VSIG1: variants seen among roughly 807,000 people sequenced by gnomAD.
The protein encoded by VSIG1 is V-set and immunoglobulin domain containing 1, also known as V-set and immunoglobulin domain-containing protein 1.
In VSIG1, 11 loss-of-function variants were observed where a neutral mutation model predicts 20.1. The observed-to-expected ratio is 0.55, with a 90% CI of 0.34 to 0.91. The LOEUF (loss-of-function observed/expected upper bound fraction) is 0.91. Among genes scored for constraint, VSIG1 ranks in the 40% least tolerant of loss-of-function variants. The probability of loss-of-function intolerance (pLI) is 0.02; values close to 1 mark genes in which losing one functional copy is unlikely to be tolerated. For missense variants in VSIG1, 283 were observed against 298.8 expected, an observed-to-expected ratio of 0.95 and a Z score of 0.39; for synonymous variants, 126 against 116.7, an observed-to-expected ratio of 1.08 and a Z score of -0.52.
Position 108,068,008 on chromosome X carries a change from G to A in VSIG1, c.412+874G>A, listed in dbSNP as rs144700996. ...AGTCATTGCTGCTCTCAAGCTGTGT[G>A]CACACATCACAAGAAAGGAGGAACT... On this transcript the variant is annotated intron_variant, in intron 3 of 6. Transcript: ENST00000217957. Among the ~76,000 whole-genome samples, 1,055 of 112,371 alleles carry A rather than the reference G, an allele frequency of 9.4e-3. 5 individuals carry two copies. The highest frequency in any genetic ancestry group is 0.012 in the Non-Finnish European group (660 of 53,238).
intron 5 of VSIG1, among the ~76,000 whole-genome samples, chrX:108,074,288 A>G (rs1328606956): frequency 1.8e-5 from 2 of 111,889 alleles, no homozygotes; most frequent in African/African-American, 6.5e-5. Context: ...ACTTTCAGCT[A>G]TATTTCCTGC....
chrX:108,059,965 G>C (rs931378431), intron 2 of VSIG1, among the ~76,000 whole-genome samples: 4 of 111,553 alleles, frequency 3.6e-5, no homozygotes, highest in African/African-American at 9.8e-5. Flanking sequence ...TCTGACACTG[G>C]GATTTACAAG....
At chrX:108,066,008 G>A (rs2031117894) in intron 2 of VSIG1, among the ~76,000 whole-genome samples, 1 of 111,570 alleles carries the variant, frequency 9.0e-6, no homozygotes, top group Non-Finnish European at 1.9e-5. Context: ...GGGCAGAGCT[G>A]TGACTAACTC....
intron 2 of VSIG1, among the ~76,000 whole-genome samples, chrX:108,062,708 C>A (rs1299877427): frequency 9.0e-6 from 1 of 111,617 alleles, no homozygotes; most frequent in South Asian, 3.8e-4. Flanking sequence ...CCCTGCACCA[C>A]AATACAGTCC....
the VSIG1 span, among the ~76,000 whole-genome samples, chrX:108,031,236 T>C: frequency 8.9e-6 from 1 of 112,108 alleles, no homozygotes; most frequent in African/African-American, 3.2e-5. Context: ...CCTTGAGAGA[T>C]AGGGCAGGAT....
At chrX:108,021,275 C>T in the VSIG1 span, among the ~76,000 whole-genome samples, 1 of 111,527 alleles carries the variant, frequency 9.0e-6, no homozygotes, top group East Asian at 2.8e-4. Context: ...GTCTTATCCT[C>T]ATATTTGAGT....
the VSIG1 span, among the ~76,000 whole-genome samples, chrX:108,033,292 C>A: frequency 1.8e-5 from 2 of 112,264 alleles, no homozygotes; most frequent in Admixed American, 1.9e-4. Flanking sequence ...CGGTGAGATC[C>A]AGGGCAGGTT....
chrX:108,076,245 T>G, intron 6 of VSIG1, 27 bp downstream of exon 6: 3 of 1,194,773 alleles, frequency 2.5e-6, no homozygotes, highest in Non-Finnish European at 3.4e-6. Flanking sequence ...TTGTCTTTAC[T>G]TGAATACAAA....
chrX:108,061,804 C>T (rs747884420), intron 2 of VSIG1, among the ~76,000 whole-genome samples: 6 of 110,170 alleles, frequency 5.4e-5, no homozygotes, highest in Non-Finnish European at 1.1e-4. Flanking sequence ...CTTCCCTTTC[C>T]TGAAATCATT....
intron 2 of VSIG1, among the ~76,000 whole-genome samples, chrX:108,063,392 G>A (rs1465581475): frequency 1.8e-5 from 2 of 111,483 alleles, no homozygotes; most frequent in Non-Finnish European, 3.8e-5. Context: ...CTCTATTGAG[G>A]CCTCGGTGTC....
chrX:108,064,834 C>A, intron 2 of VSIG1: 1 of 620,872 alleles, frequency 1.6e-6, no homozygotes, highest in African/African-American at 2.4e-5. Flanking sequence ...AGTAAATAAG[C>A]CCCATGCTGC....
chrX:108,064,952 G>A (rs2031098821), intron 2 of VSIG1, among the ~76,000 whole-genome samples: 1 of 111,945 alleles, frequency 8.9e-6, no homozygotes, highest in Non-Finnish European at 1.9e-5. Flanking sequence ...GTTAATCCTG[G>A]CTTTCTGGTT....
chrX:108,042,663 A>G (rs2030497758), upstream of VSIG1, among the ~76,000 whole-genome samples: 1 of 111,482 alleles, frequency 9.0e-6, no homozygotes, highest in African/African-American at 3.3e-5. Flanking sequence ...GGTGGGGGGC[A>G]TTGTGAAAAC....
intron 1 of VSIG1, 149 bp from the exon 2 acceptor site, chrX:108,057,889 A>G: frequency 2.0e-6 from 1 of 508,758 alleles, no homozygotes; most frequent in Non-Finnish European, 3.0e-6. Context: ...GAGCCCCAAG[A>G]AAACTCAACT....
chrX:108,059,638 C>T (rs181275306), intron 2 of VSIG1, among the ~76,000 whole-genome samples: 1 of 112,273 alleles, frequency 8.9e-6, no homozygotes, highest in Non-Finnish European at 1.9e-5. Context: ...TTCCATCACC[C>T]AAGATGTCCA....
upstream of VSIG1, chrX:108,045,052 G>A (rs934838975): frequency 3.3e-6 from 3 of 908,903 alleles, no homozygotes; most frequent in African/African-American, 2.0e-5. Context: ...ACCTCGGTGT[G>A]ATCGAAGAAG....
intron 1 of VSIG1, among the ~76,000 whole-genome samples, chrX:108,047,764 T>TTC (rs1178957774): frequency 0.12 from 7,028 of 61,097 alleles, 576 homozygotes; most frequent in Non-Finnish European, 0.13. Flanking sequence ...ATACAAGACA[T>TTC]TCTCTCTCTC....
chrX:108,055,343 G>T (rs2030873084), intron 1 of VSIG1, among the ~76,000 whole-genome samples: 1 of 111,296 alleles, frequency 9.0e-6, no homozygotes, highest in Admixed American at 9.5e-5. Context: ...TAAATCTCCA[G>T]GCCTAGATAG....
the VSIG1 span, among the ~76,000 whole-genome samples, chrX:108,033,378 A>T: frequency 6.7e-4 from 75 of 112,174 alleles, no homozygotes; most frequent in African/African-American, 2.1e-3. Context: ...CGCTTTCTGC[A>T]TGGTGGGCCA....
Sources: gnomAD v4.1 joint callset for allele counts (sites outside exome capture counted in the v4.1 genomes callset) on GRCh38, gnomAD v4.1.1 for gene constraint, MANE v1.5 for transcripts, NCBI Gene and HGNC (gene_info 2026-07-23, HGNC 2026-07-21) for gene names.